SLC44A5: variants seen among roughly 807,000 people sequenced by gnomAD.
The protein encoded by SLC44A5 is solute carrier family 44 member 5.
In SLC44A5, 57 loss-of-function variants were observed where a neutral mutation model predicts 101.8. The ratio of observed to expected loss-of-function variants is 0.56; its 90% CI spans 0.45 to 0.70. SLC44A5 has a LOEUF of 0.70. SLC44A5 is among the 30% of genes least tolerant of loss of function. SLC44A5 has a pLI of 0.00. For synonymous variants in SLC44A5, 281 were observed against 290.9 expected (o/e 0.97, Z 0.35); for missense variants, 737 against 853.1 (o/e 0.86, Z 1.70).
intron 6 of SLC44A5, among the ~76,000 whole-genome samples, chr1:75,256,096 C>A (rs566820946): frequency 6.6e-6 from 1 of 151,998 alleles, no homozygotes; most frequent in Non-Finnish European, 1.5e-5. Context: ...CACATACTTA[C>A]GCTAAAAATT....
chr1:75,472,102 A>G (rs1416866875), intron 2 of SLC44A5, among the ~76,000 whole-genome samples: 1 of 148,802 alleles, frequency 6.7e-6, no homozygotes, highest in Admixed American at 6.7e-5. Flanking sequence ...AAAAAAAACT[A>G]CTGGGGCCTG....
chr1:75,678,051 C>A, the SLC44A5 span, among the ~76,000 whole-genome samples: 1 of 152,210 alleles, frequency 6.6e-6, no homozygotes, highest in African/African-American at 2.4e-5. Flanking sequence ...TGCGCTTTTC[C>A]AAAGGGCTTA....
chr1:75,280,564 A>G (rs1297021233), intron 5 of SLC44A5, among the ~76,000 whole-genome samples: 1 of 145,758 alleles, frequency 6.9e-6, no homozygotes, highest in Non-Finnish European at 1.5e-5. Context: ...GGCTAATTCC[A>G]TATGATATGG....
chr1:75,301,109 TA>T (rs1654418457), intron 4 of SLC44A5, among the ~76,000 whole-genome samples: 1 of 152,158 alleles, frequency 6.6e-6, no homozygotes, highest in Non-Finnish European at 1.5e-5. Flanking sequence ...ATACACATTA[TA>T]GGGGTACTAT....
At chr1:75,322,397 T>TAA (rs373862454) in intron 4 of SLC44A5, among the ~76,000 whole-genome samples, 7,577 of 149,772 alleles carry the variant, frequency 0.051, 223 homozygotes, top group Middle Eastern at 0.12. Flanking sequence ...TCCCTCTTTT[T>TAA]AAAAAAAAAA....
chr1:75,230,828 G>C (rs542404887), intron 12 of SLC44A5, among the ~76,000 whole-genome samples: 2 of 152,234 alleles, frequency 1.3e-5, no homozygotes, highest in East Asian at 3.9e-4. Flanking sequence ...CGTTAGCCAG[G>C]TTGGCCTCCC....
intron 6 of SLC44A5, among the ~76,000 whole-genome samples, chr1:75,259,852 C>A (rs1650342798): frequency 6.6e-6 from 1 of 152,056 alleles, no homozygotes; most frequent in African/African-American, 2.4e-5. Flanking sequence ...CCCTAGAGGC[C>A]AGAAGAGAAT....
chr1:75,538,452 T>A (rs1395948629), intron 2 of SLC44A5, among the ~76,000 whole-genome samples: 4 of 152,228 alleles, frequency 2.6e-5, no homozygotes, highest in African/African-American at 9.6e-5. Context: ...CTACTTACAA[T>A]ATATTTTTTA....
At chr1:75,672,019 C>T in the SLC44A5 span, among the ~76,000 whole-genome samples, 1 of 151,788 alleles carries the variant, frequency 6.6e-6, no homozygotes, top group Non-Finnish European at 1.5e-5. Flanking sequence ...TGATCATTTC[C>T]ACCACAGCAA....
intron 1 of SLC44A5, among the ~76,000 whole-genome samples, chr1:75,565,770 T>C (rs1672754274): frequency 6.6e-6 from 1 of 152,164 alleles, no homozygotes; most frequent in Non-Finnish European, 1.5e-5. Context: ...CCAGGAGCCA[T>C]TATGAGAATT....
At chr1:75,615,724 G>T, upstream of SLC44A5, 1 of 470,454 alleles carries the variant, frequency 2.1e-6, no homozygotes, top group Non-Finnish European at 2.8e-6. Flanking sequence ...CCCCCTCCCC[G>T]GACACGGCAA....
At chr1:75,352,101 C>T (rs1206725327) in intron 3 of SLC44A5, among the ~76,000 whole-genome samples, 2 of 151,848 alleles carry the variant, frequency 1.3e-5, no homozygotes, top group African/African-American at 4.8e-5. Context: ...TTCTTATACC[C>T]CATAAGTTAT....
At chr1:75,556,934 A>G (rs1353019898) in intron 1 of SLC44A5, among the ~76,000 whole-genome samples, 2 of 152,084 alleles carry the variant, frequency 1.3e-5, no homozygotes, top group Non-Finnish European at 2.9e-5. Flanking sequence ...TACACAATAT[A>G]TATGAAAAAG....
intron 2 of SLC44A5, among the ~76,000 whole-genome samples, chr1:75,481,101 A>T (rs1316474098): frequency 1.3e-5 from 2 of 152,216 alleles, no homozygotes; most frequent in East Asian, 1.9e-4. Context: ...GTAACGCCAC[A>T]TATCTACAAC....
chr1:75,203,735 T>C lies in SLC44A5; in HGVS notation c.2146A>G (p.Lys716Glu). Residue 716 changes from lysine (K) to glutamate (E), a missense_variant, in exon 24 of 24, where the codon AAG (lysine) becomes GAG (glutamate). Around this residue, in one of 3 missense-constraint regions of SLC44A5, gnomAD observed 61 missense variants for 56.5 expected, o/e 1.08. Coordinates refer to ENST00000370859, the MANE Select transcript of SLC44A5 (RefSeq NM_001130058.2). ...IFQEENPQTR[K>E]Q ...ACGACCAGTTTGCTCTTCTACTGCT[T>C]CCTAGTTTGTGGATTTTCCTCCTGG... 6.5e-7 allele frequency: 1 copy of C among 1,548,880 alleles called. No individual in the cohort carries two copies. The highest frequency in any genetic ancestry group is 2.0e-5 in the Admixed American group (1 of 50,516).
At chr1:75,616,064 G>C (rs1164585471), upstream of SLC44A5, among the ~76,000 whole-genome samples, 5 of 151,820 alleles carry the variant, frequency 3.3e-5, no homozygotes. Context: ...CGGCTGGGGC[G>C]GGCGCCGCCG....
chr1:75,436,802 T>C (rs1357944573), intron 2 of SLC44A5, among the ~76,000 whole-genome samples: 1 of 152,180 alleles, frequency 6.6e-6, no homozygotes, highest in Non-Finnish European at 1.5e-5. Context: ...ATAAAAAAAG[T>C]CTGTTTTCTT....
chr1:75,265,902 ACGTT>A lies in SLC44A5; in HGVS notation c.260+9052_260+9055del, dbSNP rs1650943442. On this transcript the variant is annotated intron_variant, in intron 6 of 23. Coordinates refer to ENST00000370859, the MANE Select transcript of SLC44A5 (RefSeq NM_001130058.2). ...CAGTAGGTGGCATCAAAAATCAATCACGTTCTCTTTTTTTGTGGAAATCTCAAAG... is the reference window on the plus strand; with the variant it reads ...CAGTAGGTGGCATCAAAAATCAATCACTCTTTTTTTGTGGAAATCTCAAAG... Among the ~76,000 whole-genome samples the A allele has an allele frequency of 3.9e-5, 6 of 152,248 alleles. No homozygotes were observed. The South Asian group carries it at 1.2e-3, about 32-fold the overall frequency.
intron 4 of SLC44A5, among the ~76,000 whole-genome samples, chr1:75,336,131 G>A (rs1484999882): frequency 7.9e-5 from 12 of 151,892 alleles, no homozygotes; most frequent in South Asian, 2.1e-4. Flanking sequence ...CTTGGACAGC[G>A]TTCTGTTTGT....
Sources: allele counts gnomAD v4.1 joint callset (sites outside exome capture counted in the v4.1 genomes callset), GRCh38; gene constraint gnomAD v4.1.1; regional missense constraint gnomAD v4.1.1; transcripts MANE v1.5; gene names NCBI Gene and HGNC (gene_info 2026-07-23, HGNC 2026-07-21).